The following MCM8 variants were observed in gnomAD, a reference collection of about 807,000 sequenced individuals.
The protein encoded by MCM8 is minichromosome maintenance 8 homologous recombination repair factor, also known as DNA helicase MCM8.
In MCM8, 85 loss-of-function variants were observed where a neutral mutation model predicts 98.9. The observed-to-expected ratio is 0.86, with a 90% CI of 0.72 to 1.03. The LOEUF (loss-of-function observed/expected upper bound fraction) is 1.03, where lower values mean the gene tolerates loss of function less well. MCM8 is among the 50% of genes least tolerant of loss of function. MCM8 has a pLI of 0.00. For missense variants in MCM8, 951 were observed against 997.8 expected (o/e 0.95, Z 0.63); for synonymous variants, 352 against 338.6 (o/e 1.04, Z -0.44).
At chr20:5,971,887 T>C (rs2089410667) in intron 10 of MCM8, 120 bp from the exon 11 acceptor site, 2 of 736,388 alleles carry the variant, frequency 2.7e-6, no homozygotes, top group East Asian at 5.5e-5. Context: ...GTTGAGGGGA[T>C]GTAAATTTTT....
intron 17 of MCM8, among the ~76,000 whole-genome samples, chr20:5,993,238 T>A (rs1443390945): frequency 6.6e-6 from 1 of 152,206 alleles, no homozygotes. Context: ...GTATTTATAT[T>A]GTAGTTTATC....
At chr20:5,961,509 T>C (rs1242882423) in intron 7 of MCM8, among the ~76,000 whole-genome samples, 2 of 152,214 alleles carry the variant, frequency 1.3e-5, no homozygotes, top group Non-Finnish European at 2.9e-5. Flanking sequence ...GTATGTGAGA[T>C]TCAGCTATTG....
intron 12 of MCM8, among the ~76,000 whole-genome samples, chr20:5,973,677 C>T (rs753604356): frequency 2.0e-5 from 3 of 151,994 alleles, no homozygotes; most frequent in Middle Eastern, 3.4e-3. Context: ...TTTTTTGAGA[C>T]GGAGTCACAC....
At position 5,952,136 on chromosome 20, in the gene MCM8, A is replaced by T. The variant is rs2088845404; in HGVS notation, c.121A>T (p.Ser41Cys). 2 of 1,613,910 alleles carry T rather than the reference A, an allele frequency of 1.2e-6. No individual in the cohort carries two copies. The highest frequency in any genetic ancestry group is 2.2e-5 in the East Asian group (1 of 44,868). Residue 41 changes from serine (S) to cysteine (C), a missense_variant, in exon 2 of 19, where the codon AGT (serine) becomes TGT (cysteine). Transcript: ENST00000610722. ...AGAAAGAGAACACAGACCTGATCTGAGTAAAACCACAGGAAAACGTACTTC... is the reference window on the plus strand; with the variant it reads ...AGAAAGAGAACACAGACCTGATCTGTGTAAAACCACAGGAAAACGTACTTC... ...WREREHRPDL[S>C]KTTGKRTSEQ...
chr20:5,977,829 C>A lies in MCM8; in HGVS notation c.1396-47C>A, dbSNP rs1380233047. The stretch of plus-strand genomic sequence containing the variant: ...TGTGAGCAACTGCTGTTAGCTATTA[C>A]TTCCCTTTTACTTTGGATGATTCTC... On this transcript the variant is annotated intron_variant, in intron 12 of 18. Transcript: ENST00000610722. The A allele has an allele frequency of 1.9e-6, 3 of 1,602,326 alleles. No homozygotes were observed. In the African/African-American group the frequency reaches 4.0e-5, roughly 21 times the overall value.
At chr20:5,973,279 A>AGTGT in intron 12 of MCM8, 83 bp downstream of exon 12, 1 of 1,552,216 alleles carries the variant, frequency 6.4e-7, no homozygotes. Flanking sequence ...CAAAGCATGT[A>AGTGT]GTGTGTGTGT....
At chr20:5,973,805 C>T (rs1176827969) in intron 12 of MCM8, among the ~76,000 whole-genome samples, 1 of 152,140 alleles carries the variant, frequency 6.6e-6, no homozygotes, top group African/African-American at 2.4e-5. Flanking sequence ...TAGGTGCGCA[C>T]CACCACGCCC....
At chr20:5,979,552 A>T (rs949715872) in intron 13 of MCM8, among the ~76,000 whole-genome samples, 1 of 151,660 alleles carries the variant, frequency 6.6e-6, no homozygotes. Context: ...GTAAATGACA[A>T]CTCTCATTAT....
intron 18 of MCM8, 49 bp downstream of exon 18, chr20:5,993,744 G>A (rs1285203635): frequency 7.0e-7 from 1 of 1,425,200 alleles, no homozygotes; most frequent in East Asian, 2.3e-5. Flanking sequence ...GGAGGTCCTT[G>A]TTAATATATA....
At chr20:5,984,673 T>C (rs1051428136) in intron 14 of MCM8, 108 bp from the exon 15 acceptor site, 31 of 858,784 alleles carry the variant, frequency 3.6e-5, no homozygotes, top group East Asian at 3.0e-4. Flanking sequence ...TAAATCTTGG[T>C]TTTTCAAGTT....
intron 8 of MCM8, 82 bp from the exon 9 acceptor site, chr20:5,967,354 T>G: frequency 8.1e-7 from 1 of 1,233,820 alleles, no homozygotes; most frequent in Non-Finnish European, 1.1e-6. Context: ...TTCCTCAGCA[T>G]CATGTGAACC....
At position 5,984,957 on chromosome 20, in the gene MCM8, T is replaced by C; in HGVS notation, c.1910T>C (p.Val637Ala). Residue 637 changes from valine (V) to alanine (A), a missense_variant, in exon 15 of 19, where the codon GTA becomes GCA. Transcript: ENST00000610722. Reference protein sequence around the residue: ...RMNSQDSNTSVLEVVSEKPLS... With the variant: ...RMNSQDSNTSALEVVSEKPLS... The stretch of plus-strand genomic sequence containing the variant: ...AATAGTCAAGATTCAAATACTTCCG[T>C]ACTTGAAGTAGTTTCTGAGAAGCCA... 6.2e-7 allele frequency: 1 copy of C among 1,614,106 alleles called. No homozygotes were observed. Among genetic ancestry groups the C allele is most frequent in the Non-Finnish European group, 8.5e-7 (1 of 1,179,992 alleles).
intron 10 of MCM8, 95 bp downstream of exon 10, chr20:5,968,120 A>C: frequency 1.1e-5 from 11 of 977,196 alleles, no homozygotes; most frequent in Non-Finnish European, 1.7e-5. Flanking sequence ...ATGGTCGGCA[A>C]ACTACAGTCC....
At position 5,998,108 on chromosome 20, in the gene MCM8, A is replaced by C. The variant is rs1443791882; in HGVS notation, c.*3717A>C. The C allele has an allele frequency of 6.6e-6, 1 of 152,202 alleles. No individual in the cohort carries two copies. Among genetic ancestry groups the C allele is most frequent in the Non-Finnish European group, 1.5e-5 (1 of 68,042 alleles). The allele number at this position is 152,202 out of a possible 1,614,324, so 9.4% of individuals were successfully genotyped here. ...GTTGTTATACAGAAGAATATTAAAC[A>C]ATATTCATATATTGTTTATGAATGC... On this transcript the variant is annotated 3_prime_UTR_variant, in exon 19 of 19. Coordinates refer to ENST00000610722, the MANE Select transcript of MCM8 (RefSeq NM_032485.6).
At chr20:5,980,033 T>C (rs1398698331) in intron 13 of MCM8, among the ~76,000 whole-genome samples, 1 of 152,202 alleles carries the variant, frequency 6.6e-6, no homozygotes, top group African/African-American at 2.4e-5. Flanking sequence ...AGGGCCTTTG[T>C]ACTTACTGTT....
At chr20:5,965,590 T>A (rs1294448324) in intron 8 of MCM8, 1 of 152,218 alleles carries the variant, frequency 6.6e-6, no homozygotes, top group Non-Finnish European at 1.5e-5. Context: ...GTAATTTATG[T>A]CACTGGGTTT....
intron 17 of MCM8, among the ~76,000 whole-genome samples, chr20:5,987,846 G>A (rs563004256): frequency 1.3e-5 from 2 of 152,202 alleles, no homozygotes; most frequent in Admixed American, 6.5e-5. Flanking sequence ...GCTACAATGA[G>A]TAATGTTCTA....
chr20:5,977,958 A>G lies in MCM8; in HGVS notation c.1478A>G (p.Lys493Arg), dbSNP rs1468135479. Residue 493 changes from lysine to arginine, a missense_variant, in exon 13 of 19, where the codon AAA (lysine) becomes AGA (arginine). Lys to Arg is a conservative substitution (Grantham distance 26, BLOSUM62 2). Transcript: ENST00000610722. ...TCTGGTCTGACGGTAACTCTTTCAA[A>G]AGATAGTTCCTCTGGAGATTTTGCT... ...TTSGLTVTLS[K>R]DSSSGDFALE... 6.8e-6 allele frequency: 11 copies of G among 1,614,102 alleles called. No individual in the cohort carries two copies.
At chr20:5,957,772 T>C (rs1470451081) in intron 6 of MCM8, among the ~76,000 whole-genome samples, 1 of 152,242 alleles carries the variant, frequency 6.6e-6, no homozygotes, top group Non-Finnish European at 1.5e-5. Flanking sequence ...TGTTAAATTA[T>C]TAGGTTTTTG....
Sources: gnomAD v4.1 joint callset for allele counts (sites outside exome capture counted in the v4.1 genomes callset) on GRCh38, gnomAD v4.1.1 for gene constraint, MANE v1.5 for transcripts, NCBI Gene and HGNC (gene_info 2026-07-23, HGNC 2026-07-21) for gene names.